Variants in ARHGEF1 observed in about 807,000 individuals in gnomAD.
ARHGEF1 encodes the protein Rho guanine nucleotide exchange factor 1.
In ARHGEF1, 40 loss-of-function variants were observed where a neutral mutation model predicts 119.7. The ratio of observed to expected loss-of-function variants is 0.33; its 90% CI spans 0.26 to 0.44. ARHGEF1 has a LOEUF of 0.44. Ranked by LOEUF, ARHGEF1 falls within the 20% of genes least tolerant of loss-of-function variation. The probability of loss-of-function intolerance (pLI) is 1.00; values close to 1 mark genes in which losing one functional copy is unlikely to be tolerated. For missense variants in ARHGEF1, 976 were observed against 1,268.3 expected, an observed-to-expected ratio of 0.77 and a Z score of 3.50; for synonymous variants, 494 against 521.0, an observed-to-expected ratio of 0.95 and a Z score of 0.71.
Position 41,905,865 on chromosome 19 carries a change from G to C in ARHGEF1, c.2404+38G>C. On this transcript the variant is annotated intron_variant, in intron 25 of 28. Transcript: ENST00000354532. The surrounding 1 kb of genome is among the most constrained non-coding windows in gnomAD (Gnocchi z 6.4). Reference sequence around the variant, plus strand: ...GGATGCTGGGTGAGGGGCCAGGTTGGGGCTGCCGGGTGAAGAGAGGCATCC... The same window carrying C: ...GGATGCTGGGTGAGGGGCCAGGTTGCGGCTGCCGGGTGAAGAGAGGCATCC... 1 of 1,613,910 alleles carries C rather than the reference G, an allele frequency of 6.2e-7. No homozygotes were observed. The highest frequency in any genetic ancestry group is 8.5e-7 in the Non-Finnish European group (1 of 1,179,804).
At chr19:41,887,936 T>G in intron 1 of ARHGEF1, 128 bp from the exon 2 acceptor site, 9 of 1,064,282 alleles carry the variant, frequency 8.5e-6, no homozygotes, top group Non-Finnish European at 9.3e-6. Context: ...AGAGGCCCCA[T>G]TGAGCTGCGG....
intron 4 of ARHGEF1, among the ~76,000 whole-genome samples, chr19:41,891,795 A>C (rs1555846234): frequency 1.3e-5 from 2 of 152,202 alleles, no homozygotes; most frequent in Non-Finnish European, 2.9e-5. Flanking sequence ...ACAAAGGACC[A>C]TAGCACAGGA....
rs2074804809 is a variant in ARHGEF1, at chr19:41,916,863, T to TAC, written c.1866-6223_1866-6222dup. Among the ~76,000 whole-genome samples, 1 of 151,758 alleles carries TAC rather than the reference T, an allele frequency of 6.6e-6. No individual in the cohort carries two copies. The highest frequency in any genetic ancestry group is 2.4e-5 in the African/African-American group (1 of 41,250). The stretch of plus-strand genomic sequence containing the variant: ...CGACCGACAGCGGCCCCTGCAGAGG[T>TAC]ACACACAGACACACCCAGACACACT... On this transcript the variant is annotated intron_variant, in intron 18 of 20. Coordinates refer to the ARHGEF1 transcript ENST00000599589. The surrounding 1 kb of genome is among the most constrained non-coding windows in gnomAD (Gnocchi z 5.4).
At chr19:41,897,473 T>C (rs2074527488) in intron 13 of ARHGEF1, 1 of 429,876 alleles carries the variant, frequency 2.3e-6, no homozygotes, top group African/African-American at 2.2e-5. Context: ...GAGCTAAGTA[T>C]GGAAATCCTC....
upstream of ARHGEF1, among the ~76,000 whole-genome samples, chr19:41,918,409 C>T (rs2074815556): frequency 1.4e-5 from 2 of 138,716 alleles, no homozygotes; most frequent in Admixed American, 1.3e-4. Flanking sequence ...CCATATCACA[C>T]ACACCACACA....
At chr19:41,927,347 T>C (rs1555853357) in intron 1 of ARHGEF1, among the ~76,000 whole-genome samples, 1 of 152,020 alleles carries the variant, frequency 6.6e-6, no homozygotes, top group African/African-American at 2.4e-5. Flanking sequence ...GGCCCAAATG[T>C]CCTTCCCACA....
chr19:41,904,500 G>A lies in ARHGEF1; in HGVS notation c.2161+117G>A. 2 of 1,289,526 alleles carry A rather than the reference G, an allele frequency of 1.6e-6. No individual in the cohort carries two copies. Among genetic ancestry groups the A allele is most frequent in the Admixed American group, 2.7e-5 (1 of 37,118 alleles). 79.9% of individuals were successfully genotyped at this position (1,289,526 alleles called of 1,614,324 possible). ...AGGGAGCCAGCATTCTAGCAAAGAG[G>A]TTGAGAAGTAGGTGGAGGTGGGCAG... On this transcript the variant is annotated intron_variant, in intron 22 of 28. Coordinates refer to ENST00000354532, the MANE Select transcript of ARHGEF1 (RefSeq NM_004706.4). The surrounding 1 kb of genome is among the most constrained non-coding windows in gnomAD (Gnocchi z 8.4).
chr19:41,893,337 G>C, intron 8 of ARHGEF1, 34 bp downstream of exon 8: 1 of 1,574,334 alleles, frequency 6.4e-7, no homozygotes, highest in Non-Finnish European at 8.7e-7. Context: ...CGGCCTCCTG[G>C]GTTTGAGGGA....
Position 41,905,280 on chromosome 19 carries a change from A to G in ARHGEF1, c.2336+19A>G. On this transcript the variant is annotated intron_variant, in intron 24 of 28. Transcript: ENST00000354532. This position sits in a 1 kb window ranked among gnomAD's most constrained non-coding sequence, Gnocchi z 6.4. ...CGAGCAGGTGAGGGGGGCCATGGAG[A>G]GAGCTGGAGGTTCAGGGAGTGGGGC... 6.2e-7 allele frequency: 1 copy of G among 1,602,156 alleles called. No individual in the cohort carries two copies. Among genetic ancestry groups the G allele is most frequent in the East Asian group, 2.2e-5 (1 of 44,770 alleles).
intron 13 of ARHGEF1, chr19:41,897,766 T>C: frequency 1.8e-6 from 1 of 542,262 alleles, no homozygotes; most frequent in Non-Finnish European, 2.9e-6. Flanking sequence ...TCTCTGTCCC[T>C]GTCCTCGTCT....
chr19:41,918,655 C>G (rs554730049), upstream of ARHGEF1, among the ~76,000 whole-genome samples: 2 of 150,564 alleles, frequency 1.3e-5, no homozygotes, highest in East Asian at 3.9e-4. Context: ...ACACACAGTA[C>G]ATACACTACC....
intron 1 of ARHGEF1, among the ~76,000 whole-genome samples, chr19:41,926,678 G>T (rs1427719965): frequency 6.6e-6 from 1 of 152,054 alleles, no homozygotes; most frequent in African/African-American, 2.4e-5. Context: ...GCTGCTTGGC[G>T]ATGCGGAGCG....
At chr19:41,928,003 C>T (rs2074882011) in intron 1 of ARHGEF1, 1 of 152,188 alleles carries the variant, frequency 6.6e-6, no homozygotes, top group South Asian at 2.1e-4. Context: ...ATCCCCGCCC[C>T]CTCCCCGCCC....
chr19:41,926,603 C>G (rs2074871834), intron 1 of ARHGEF1, among the ~76,000 whole-genome samples: 1 of 152,094 alleles, frequency 6.6e-6, no homozygotes, highest in Non-Finnish European at 1.5e-5. Context: ...GGGTGGGGCA[C>G]AGAGTTAGCT....
chr19:41,885,906 C>T (rs1184935728), intron 1 of ARHGEF1, among the ~76,000 whole-genome samples: 1 of 152,138 alleles, frequency 6.6e-6, no homozygotes, highest in African/African-American at 2.4e-5. Context: ...GCATGAACCA[C>T]CACACCTGGC....
chr19:41,884,526 C>A (rs1555844935), intron 1 of ARHGEF1: 1 of 1,604,206 alleles, frequency 6.2e-7, no homozygotes, highest in Non-Finnish European at 8.5e-7. Flanking sequence ...GGTGTCAGAC[C>A]CTGACTCTGC....
chr19:41,905,771 CCCT>C lies in ARHGEF1; in HGVS notation c.2353_2355del (p.Leu785del), dbSNP rs2145867434. 1 of 1,614,096 alleles carries C rather than the reference CCCT, an allele frequency of 6.2e-7. No homozygotes were observed. ...CTTCCTCCCCTCAGCACCCGAGAAC[CCCT>C]CCTCAGCAGCTCTGAGAACGGCAAT... On this transcript the variant is annotated inframe_deletion, in exon 25 of 29. Transcript: ENST00000354532. This position sits in a 1 kb window ranked among gnomAD's most constrained non-coding sequence, Gnocchi z 6.4.
At chr19:41,911,305 C>T (rs142056461), downstream of ARHGEF1, among the ~76,000 whole-genome samples, 202 of 152,320 alleles carry the variant, frequency 1.3e-3, 5 homozygotes, top group East Asian at 0.035. Context: ...CATCCTCTGT[C>T]CCCTTCCCCC....
intron 18 of ARHGEF1, among the ~76,000 whole-genome samples, chr19:41,914,568 TG>T (rs2074776512): frequency 2.3e-5 from 1 of 42,718 alleles, no homozygotes; most frequent in Non-Finnish European, 4.4e-5. Context: ...CCACCATCTC[TG>T]TCTCCGTCTC....
Sources: allele counts gnomAD v4.1 joint callset (sites outside exome capture counted in the v4.1 genomes callset), GRCh38; gene constraint gnomAD v4.1.1; non-coding constraint Gnocchi (gnomAD v3.1); transcripts MANE v1.5; gene names NCBI Gene and HGNC (gene_info 2026-07-23, HGNC 2026-07-21).